Variants in PLEKHG1 observed in about 807,000 individuals in gnomAD.
PLEKHG1 encodes pleckstrin homology domain-containing family G member 1.
Under a neutral mutation model 100.8 loss-of-function variants are expected in PLEKHG1, and 44 were observed. The observed-to-expected ratio is 0.44, with a 90% CI of 0.34 to 0.56. The LOEUF is 0.56. Among genes scored for constraint, PLEKHG1 ranks in the 20% least tolerant of loss-of-function variants. PLEKHG1 has a pLI of 0.01. For synonymous variants in PLEKHG1, 640 were observed against 662.5 expected (o/e 0.97, Z 0.52); for missense variants, 1,545 against 1,720.9 (o/e 0.90, Z 1.81).
rs528212480 is a variant in PLEKHG1 at position 150,831,173 on chromosome 6, A to C, written c.2062A>C (p.Arg688=). The change falls in exon 15 of 16, where the codon AGG becomes CGG. Residue 688 remains arginine (R), a synonymous_variant. Transcript: ENST00000358517. The surrounding 1 kb of genome is among the most constrained non-coding windows in gnomAD (Gnocchi z 4.1). ...TGAATCCACTCCCTCTAAATCAGCC[A>C]GGGACTCCGTTCGCCCCAAGAGCAC... 4.9e-5 allele frequency: 79 copies of C among 1,614,146 alleles called. No homozygotes were observed. The East Asian group carries it at 1.7e-3, about 34-fold the overall frequency.
At chr6:150,822,289 A>T (rs1776352287) in intron 13 of PLEKHG1, among the ~76,000 whole-genome samples, 7 of 152,206 alleles carry the variant, frequency 4.6e-5, no homozygotes, top group Admixed American at 4.6e-4. Context: ...TAGAAGGGAA[A>T]AAACTATGAA....
chr6:150,653,096 A>G (rs577927465), intron 3 of PLEKHG1, among the ~76,000 whole-genome samples: 4 of 152,244 alleles, frequency 2.6e-5, no homozygotes, highest in Non-Finnish European at 5.9e-5. Flanking sequence ...AATGCTGAGT[A>G]GCTTGAAAAT....
chr6:150,698,686 TTG>T (rs1449255257), intron 3 of PLEKHG1, among the ~76,000 whole-genome samples: 1 of 152,230 alleles, frequency 6.6e-6, no homozygotes, highest in Non-Finnish European at 1.5e-5. Flanking sequence ...AAAGCTCTCC[TTG>T]TGTGTTCTTT....
chr6:150,698,609 G>A (rs1326423754), intron 3 of PLEKHG1, among the ~76,000 whole-genome samples: 1 of 152,108 alleles, frequency 6.6e-6, no homozygotes, highest in East Asian at 1.9e-4. Context: ...AGAGTATTTG[G>A]GGAAATGAAA....
chr6:150,843,082 G>A (rs764394589), exon 16 of PLEKHG1: 3 of 152,158 alleles, frequency 2.0e-5, no homozygotes, highest in Non-Finnish European at 4.4e-5. Flanking sequence ...CCTGACTCTT[G>A]TCCCAGGAAA....
chr6:150,842,973 G>C (rs923240091), exon 16 of PLEKHG1: 1 of 152,172 alleles, frequency 6.6e-6, no homozygotes, highest in Non-Finnish European at 1.5e-5. Flanking sequence ...CGGCCTCCCA[G>C]AGTGCTGGGA....
At chr6:150,811,258 TA>T (rs1370678624) in intron 10 of PLEKHG1, among the ~76,000 whole-genome samples, 1 of 122,220 alleles carries the variant, frequency 8.2e-6, no homozygotes, top group East Asian at 2.4e-4. Flanking sequence ...ACCTCAGTCT[TA>T]AAGGATAGGG....
At chr6:150,796,143 A>G (rs1264459697) in intron 5 of PLEKHG1, among the ~76,000 whole-genome samples, 1 of 152,228 alleles carries the variant, frequency 6.6e-6, no homozygotes, top group African/African-American at 2.4e-5. Context: ...GGAGAAACCA[A>G]AAAGATGACT....
At chr6:150,702,557 G>GGGGTGTGTGTGTGT (rs1554261632) in intron 3 of PLEKHG1, among the ~76,000 whole-genome samples, 92 of 142,918 alleles carry the variant, frequency 6.4e-4, no homozygotes, top group African/African-American at 2.3e-3. Context: ...TTTGTTTTGG[G>GGGGTGTGTGTGTGT]GTGTGTGTGT....
chr6:150,830,406 T>C (rs1167043934), intron 14 of PLEKHG1, among the ~76,000 whole-genome samples, 176 bp from the exon 16 acceptor site: 1 of 152,132 alleles, frequency 6.6e-6, no homozygotes, highest in Non-Finnish European at 1.5e-5. Context: ...GAGGATTGCT[T>C]GAGCCCAGGA....
At chr6:150,634,339 G>A (rs112480442) in intron 1 of PLEKHG1, among the ~76,000 whole-genome samples, 2,073 of 151,920 alleles carry the variant, frequency 0.014, 56 homozygotes, top group African/African-American at 0.047. Flanking sequence ...ATATGAGAAT[G>A]TAGTAAAATA....
At chr6:150,703,810 A>G (rs1780899284) in intron 3 of PLEKHG1, among the ~76,000 whole-genome samples, 1 of 152,168 alleles carries the variant, frequency 6.6e-6, no homozygotes, top group Non-Finnish European at 1.5e-5. Flanking sequence ...CCCTCCAGTG[A>G]ATATGCTGTT....
intron 3 of PLEKHG1, among the ~76,000 whole-genome samples, chr6:150,661,767 A>G (rs1720688610): frequency 6.6e-6 from 1 of 152,244 alleles, no homozygotes; most frequent in Admixed American, 6.5e-5. Flanking sequence ...GAAATCAGTA[A>G]CCATGTATAA....
At chr6:150,660,847 G>C (rs1445091146) in intron 3 of PLEKHG1, among the ~76,000 whole-genome samples, 1 of 152,168 alleles carries the variant, frequency 6.6e-6, no homozygotes, top group African/African-American at 2.4e-5. Context: ...CTAAACAAAA[G>C]ACATATTATT....
At chr6:150,713,532 T>G (rs544609625) in intron 3 of PLEKHG1, among the ~76,000 whole-genome samples, 22 of 152,276 alleles carry the variant, frequency 1.4e-4, no homozygotes, top group African/African-American at 5.3e-4. Context: ...CTGTCAACCT[T>G]ATGATGTTGA....
intron 2 of PLEKHG1, among the ~76,000 whole-genome samples, chr6:150,648,231 A>G (rs990286372): frequency 2.6e-5 from 4 of 152,068 alleles, no homozygotes; most frequent in African/African-American, 9.7e-5. Context: ...TTAAAAAGAT[A>G]TTTCTTTTAT....
chr6:150,611,589 A>G (rs945650307), intron 1 of PLEKHG1, among the ~76,000 whole-genome samples: 10 of 152,184 alleles, frequency 6.6e-5, no homozygotes, highest in African/African-American at 2.4e-4. Context: ...AGGCAGGTGG[A>G]TCACCTGAGG....
upstream of PLEKHG1, chr6:150,721,071 TA>T (rs1164176840): frequency 2.4e-6 from 2 of 833,016 alleles, no homozygotes; most frequent in Admixed American, 1.2e-4. Flanking sequence ...GTTTGGGAGA[TA>T]AAAGCTGACT....
At chr6:150,730,502 A>G (rs1395132248) in intron 1 of PLEKHG1, among the ~76,000 whole-genome samples, 1 of 152,190 alleles carries the variant, frequency 6.6e-6, no homozygotes, top group East Asian at 1.9e-4. Flanking sequence ...CTGATCTGAA[A>G]GGAGGCAGAG....
Sources: allele counts gnomAD v4.1 joint callset (sites outside exome capture counted in the v4.1 genomes callset), GRCh38; gene constraint gnomAD v4.1.1; non-coding constraint Gnocchi (gnomAD v3.1); transcripts MANE v1.5; gene names NCBI Gene and HGNC (gene_info 2026-07-23, HGNC 2026-07-21).